The following ZSWIM5 variants were observed in gnomAD, a reference collection of about 807,000 sequenced individuals.
The protein encoded by ZSWIM5 is zinc finger SWIM-type containing 5, also known as zinc finger SWIM domain-containing protein 5.
A neutral mutation model predicts 119.6 loss-of-function variants in ZSWIM5; 55 were observed. That is an observed-to-expected ratio of 0.46 (90% CI 0.37 to 0.58). The LOEUF (loss-of-function observed/expected upper bound fraction) is 0.58, where lower values mean the gene tolerates loss of function less well. ZSWIM5 is among the 20% of genes least tolerant of loss of function. The pLI is 0.00. For missense variants in ZSWIM5, 1,193 were observed against 1,512.8 expected, an observed-to-expected ratio of 0.79 and a Z score of 3.51; for synonymous variants, 537 against 606.9, an observed-to-expected ratio of 0.88 and a Z score of 1.69.
intron 3 of ZSWIM5, 81 bp from the exon 4 acceptor site, chr1:45,058,840 G>GTGAAGA (rs753282184): frequency 1.6e-5 from 25 of 1,528,858 alleles, no homozygotes; most frequent in Non-Finnish European, 1.9e-5. Context: ...GGAGGGGGAA[G>GTGAAGA]TGAAGATGAA....
intron 1 of ZSWIM5, among the ~76,000 whole-genome samples, chr1:45,150,171 TAAAAAAA>T (rs59869691): frequency 1.9e-4 from 18 of 93,378 alleles, no homozygotes; most frequent in African/African-American, 5.6e-4. Context: ...CTCTATCTCT[TAAAAAAA>T]AAAAAAAAAA....
chr1:45,122,781 A>G (rs548157654), intron 1 of ZSWIM5, among the ~76,000 whole-genome samples: 2 of 152,298 alleles, frequency 1.3e-5, no homozygotes, highest in Non-Finnish European at 2.9e-5. Context: ...CTTTTAGACA[A>G]TAACAGTTCT....
At chr1:45,157,458 A>G (rs1645833570) in intron 1 of ZSWIM5, among the ~76,000 whole-genome samples, 1 of 152,178 alleles carries the variant, frequency 6.6e-6, no homozygotes, top group African/African-American at 2.4e-5. Context: ...TATAGGCATG[A>G]GCCACCATGC....
At chr1:45,164,554 G>GTGTGC (rs1343947197) in intron 1 of ZSWIM5, among the ~76,000 whole-genome samples, 1 of 152,102 alleles carries the variant, frequency 6.6e-6, no homozygotes, top group East Asian at 1.9e-4. Context: ...AGACCCATCA[G>GTGTGC]TGTGCTGTAT....
intron 1 of ZSWIM5, among the ~76,000 whole-genome samples, chr1:45,137,897 A>G (rs897169124): frequency 1.3e-5 from 2 of 152,186 alleles, no homozygotes; most frequent in Non-Finnish European, 2.9e-5. Flanking sequence ...AGAACATACT[A>G]TACTGAGGCA....
At chr1:45,161,748 C>A (rs1258968903) in intron 1 of ZSWIM5, among the ~76,000 whole-genome samples, 1 of 152,200 alleles carries the variant, frequency 6.6e-6, no homozygotes, top group Non-Finnish European at 1.5e-5. Flanking sequence ...ACTAGAATTT[C>A]ATCAAGTCAA....
intron 1 of ZSWIM5, among the ~76,000 whole-genome samples, chr1:45,139,660 C>T (rs894806841): frequency 7.8e-5 from 11 of 141,196 alleles, no homozygotes; most frequent in Admixed American, 1.4e-4. Context: ...TTTTTCTTTT[C>T]TTTTTCTTTT....
intron 1 of ZSWIM5, among the ~76,000 whole-genome samples, chr1:45,160,067 T>A (rs1045115091): frequency 1.3e-5 from 2 of 152,200 alleles, no homozygotes; most frequent in African/African-American, 4.8e-5. Flanking sequence ...AAATGCTCTT[T>A]AAGGGTCTGC....
chr1:45,036,546 G>A lies in ZSWIM5; in HGVS notation c.1895-247C>T, dbSNP rs1049957707. On this transcript the variant is annotated intron_variant, in intron 8 of 13. Transcript: ENST00000359600. ...ATTTTTGTATTTTTAGTAGAGGGGC[G>A]GTTTCATCATGTTGGCCAGGCTGGA... Among the ~76,000 whole-genome samples the A allele has an allele frequency of 2.6e-5, 4 of 151,936 alleles. No homozygotes were observed. The East Asian group carries it at 7.8e-4, about 29-fold the overall frequency.
chr1:45,041,793 C>T (rs536079215), intron 6 of ZSWIM5, among the ~76,000 whole-genome samples: 11 of 152,330 alleles, frequency 7.2e-5, no homozygotes, highest in African/African-American at 2.6e-4. Context: ...CCACCTCAGC[C>T]TCTCAATGTG....
intron 7 of ZSWIM5, among the ~76,000 whole-genome samples, chr1:45,040,003 C>A (rs1305145263): frequency 1.3e-5 from 2 of 151,700 alleles, no homozygotes; most frequent in African/African-American, 4.8e-5. Context: ...CCATGCCTGG[C>A]CTTTATTTTA....
intron 11 of ZSWIM5, among the ~76,000 whole-genome samples, chr1:45,029,569 C>T (rs7515390): frequency 0.99 from 150,996 of 152,362 alleles, 74,835 homozygotes; most frequent in Middle Eastern, 1. Flanking sequence ...AAATATTTTG[C>T]GAAGAGATAC....
intron 1 of ZSWIM5, among the ~76,000 whole-genome samples, chr1:45,146,309 G>C (rs942202280): frequency 2.0e-5 from 3 of 146,642 alleles, no homozygotes; most frequent in African/African-American, 7.6e-5. Context: ...ATAACTATTC[G>C]TTTATACAGA....
chr1:45,134,192 T>C (rs781083231), intron 1 of ZSWIM5, among the ~76,000 whole-genome samples: 1 of 152,194 alleles, frequency 6.6e-6, no homozygotes, highest in Non-Finnish European at 1.5e-5. Context: ...ATCTATAAAT[T>C]ACCTTGGGCA....
chr1:45,046,634 ATGTGTGTGTGTG>A (rs60762459), intron 5 of ZSWIM5, among the ~76,000 whole-genome samples: 7 of 147,420 alleles, frequency 4.7e-5, no homozygotes, highest in Non-Finnish European at 6.0e-5. Flanking sequence ...TGGGCAAGAT[ATGTGTGTGTGTG>A]TGTGTGTGTG....
At chr1:45,172,557 G>A (rs1385737388) in intron 1 of ZSWIM5, among the ~76,000 whole-genome samples, 1 of 152,066 alleles carries the variant, frequency 6.6e-6, no homozygotes, top group Non-Finnish European at 1.5e-5. Context: ...TAGTTCTGCA[G>A]CAAACAAGCT....
intron 1 of ZSWIM5, among the ~76,000 whole-genome samples, chr1:45,137,246 G>A (rs796638681): frequency 6.6e-6 from 1 of 151,966 alleles, no homozygotes; most frequent in Admixed American, 6.6e-5. Context: ...TTAGGGTCTT[G>A]CTATGTTGCC....
In ZSWIM5 at chr1:45,044,790, AATATATATATATAAAT is replaced by A; in HGVS notation, c.1433-1411_1433-1396del. On this transcript the variant is annotated intron_variant, in intron 5 of 13. Transcript: ENST00000359600. ...ATATATATATAAATATATATATATA[AATATATATATATAAAT>A]ATATATATATATATAAATATATATA... 7.3e-3 allele frequency among the ~76,000 whole-genome samples: 5 copies of A among 686 alleles called. 2 individuals carry two copies. The highest frequency in any genetic ancestry group is 0.014 in the African/African-American group (4 of 286). 0.5% of individuals were successfully genotyped at this position (686 alleles called of 152,430 possible).
chr1:45,020,692 A>G lies in ZSWIM5; in HGVS notation c.2546T>C (p.Ile849Thr). The G allele has an allele frequency of 6.2e-7, 1 of 1,614,098 alleles. No homozygotes were observed. The highest frequency in any genetic ancestry group is 8.5e-7 in the Non-Finnish European group (1 of 1,179,996). ...IFKLAQDAFK[I>T]ATPTDSSTDS... ...AGTACTACTGTCGGTGGGAGTAGCA[A>G]TCTTGAATGCATCTTGGGCCAGTTT... is the stretch of plus-strand genomic sequence containing the variant. The change falls in exon 12 of 14, where the codon ATT becomes ACT. Residue 849 changes from isoleucine (I) to threonine (T), a missense_variant. Ile to Thr is a moderately conservative substitution (Grantham distance 89, BLOSUM62 -1). Around this residue, in one of 2 missense-constraint regions of ZSWIM5, gnomAD observed 961 missense variants for 1,290.0 expected, o/e 0.74. Transcript: ENST00000359600.
Sources: gnomAD v4.1 joint callset for allele counts (sites outside exome capture counted in the v4.1 genomes callset) on GRCh38, gnomAD v4.1.1 for gene constraint, gnomAD v4.1.1 regional missense constraint, MANE v1.5 for transcripts, NCBI Gene and HGNC (gene_info 2026-07-23, HGNC 2026-07-21) for gene names.